DSCAM: variants seen among roughly 807,000 people sequenced by gnomAD.
The protein encoded by DSCAM is cell adhesion molecule DSCAM.
A neutral mutation model predicts 217.7 loss-of-function variants in DSCAM; 47 were observed. The observed-to-expected ratio is 0.22, with a 90% CI of 0.17 to 0.28. DSCAM has a LOEUF of 0.28. Among genes scored for constraint, DSCAM ranks in the 10% least tolerant of loss-of-function variants. The pLI is 1.00. For missense variants in DSCAM, 2,080 were observed against 2,618.3 expected (o/e 0.79, Z 4.49); for synonymous variants, 1,056 against 1,015.3 (o/e 1.04, Z -0.76).
intron 3 of DSCAM, among the ~76,000 whole-genome samples, chr21:40,480,344 A>T (rs189738152): frequency 1.3e-4 from 20 of 152,206 alleles, no homozygotes; most frequent in Admixed American, 1.3e-4. Context: ...TAGGGAAGAG[A>T]GAGTATTGCT....
At chr21:40,319,733 A>T (rs565418757) in intron 8 of DSCAM, among the ~76,000 whole-genome samples, 1 of 152,268 alleles carries the variant, frequency 6.6e-6, no homozygotes, top group African/African-American at 2.4e-5. Flanking sequence ...CCTTGCCAAC[A>T]CTTGTTATCT....
chr21:40,228,851 T>C lies in DSCAM; in HGVS notation c.2357-39613A>G, dbSNP rs1160210305. On this transcript the variant is annotated intron_variant, in intron 11 of 32. Coordinates refer to ENST00000400454, the MANE Select transcript of DSCAM (RefSeq NM_001389.5). ...TTGCTACTGTGGCATTGTTCCTTGC[T>C]TCCAGGTTCTCTTAGCTGACAGAAA... is the stretch of plus-strand genomic sequence containing the variant. Among the ~76,000 whole-genome samples the C allele has an allele frequency of 3.3e-5, 5 of 152,258 alleles. No homozygotes were observed. The East Asian group carries it at 7.7e-4, about 24-fold the overall frequency.
intron 3 of DSCAM, among the ~76,000 whole-genome samples, chr21:40,580,325 G>C (rs538728007): frequency 6.6e-6 from 1 of 152,082 alleles, no homozygotes; most frequent in African/African-American, 2.4e-5. Context: ...CTGAGGTCAT[G>C]AGTTGAAGAC....
chr21:40,046,703 CTTT>C (rs2088846882), intron 30 of DSCAM, among the ~76,000 whole-genome samples: 1 of 151,652 alleles, frequency 6.6e-6, no homozygotes, highest in Admixed American at 6.6e-5. Context: ...TTTTATTCTT[CTTT>C]AAGTTTCTTG....
chr21:40,385,655 G>C (rs1463676647), intron 3 of DSCAM, among the ~76,000 whole-genome samples: 1 of 152,194 alleles, frequency 6.6e-6, no homozygotes, highest in Non-Finnish European at 1.5e-5. Context: ...CATGCTGTAG[G>C]CTGTTAATGT....
intron 11 of DSCAM, among the ~76,000 whole-genome samples, chr21:40,224,872 T>C (rs993099410): frequency 6.6e-5 from 10 of 152,224 alleles, no homozygotes; most frequent in Non-Finnish European, 1.5e-4. Flanking sequence ...TCAAAAAAGA[T>C]AACAAGTCCA....
chr21:40,720,533 C>T (rs1445500888), intron 1 of DSCAM, among the ~76,000 whole-genome samples: 1 of 152,116 alleles, frequency 6.6e-6, no homozygotes, highest in African/African-American at 2.4e-5. Flanking sequence ...TCTATCTACT[C>T]CCAAGCTGTG....
intron 1 of DSCAM, among the ~76,000 whole-genome samples, chr21:40,777,827 T>G (rs2091502191): frequency 6.6e-6 from 1 of 152,118 alleles, no homozygotes; most frequent in Non-Finnish European, 1.5e-5. Context: ...AAAAGAAATT[T>G]GTGTCCAAAC....
chr21:40,426,175 C>T (rs1434696161), intron 3 of DSCAM, among the ~76,000 whole-genome samples: 1 of 152,216 alleles, frequency 6.6e-6, no homozygotes, highest in African/African-American at 2.4e-5. Flanking sequence ...TTGTCAGGGG[C>T]TTGTGCCCTG....
chr21:40,733,434 T>C (rs1024878124), intron 1 of DSCAM, among the ~76,000 whole-genome samples: 1 of 152,210 alleles, frequency 6.6e-6, no homozygotes, highest in Non-Finnish European at 1.5e-5. Flanking sequence ...TGTTTGGAGA[T>C]ACTGTTGATT....
In DSCAM at chr21:40,805,717, CTTTTTT is replaced by C. The variant is rs34008527; in HGVS notation, c.43+40896_43+40901del. Among the ~76,000 whole-genome samples, 10 of 149,486 alleles carry C rather than the reference CTTTTTT, an allele frequency of 6.7e-5. No individual in the cohort carries two copies. In the South Asian group the frequency reaches 1.5e-3, roughly 22 times the overall value. On this transcript the variant is annotated intron_variant, in intron 1 of 32. Transcript: ENST00000400454. ...CACAATGTTTTCTTTCTTTTCTTTTCTTTTTTTTTTTAATGGAGTCTTGCTCTGTCA... is the reference window on the plus strand; with the variant it reads ...CACAATGTTTTCTTTCTTTTCTTTTCTTTTTAATGGAGTCTTGCTCTGTCA...
intron 32 of DSCAM, among the ~76,000 whole-genome samples, chr21:40,041,286 T>C (rs1318742406): frequency 6.6e-6 from 1 of 152,208 alleles, no homozygotes. Context: ...AAGGAAAGTC[T>C]ACAGGCAACT....
intron 11 of DSCAM, among the ~76,000 whole-genome samples, chr21:40,231,955 C>T (rs1008312379): frequency 6.6e-6 from 1 of 152,202 alleles, no homozygotes; most frequent in Admixed American, 6.5e-5. Context: ...AGAAACTGGT[C>T]TGGACACCAC....
chr21:40,601,377 T>C (rs1285630734), intron 3 of DSCAM, among the ~76,000 whole-genome samples: 1 of 152,222 alleles, frequency 6.6e-6, no homozygotes, highest in African/African-American at 2.4e-5. Context: ...CCTGCAACCC[T>C]CTATGACTAC....
intron 1 of DSCAM, among the ~76,000 whole-genome samples, chr21:40,762,070 C>T (rs1051603029): frequency 2.0e-5 from 3 of 152,068 alleles, no homozygotes; most frequent in African/African-American, 4.8e-5. Context: ...CAAGAGCAAA[C>T]GAATTCAAAA....
intron 32 of DSCAM, among the ~76,000 whole-genome samples, chr21:40,017,228 A>C (rs888736248): frequency 6.6e-6 from 1 of 152,120 alleles, no homozygotes; most frequent in African/African-American, 2.4e-5. Flanking sequence ...CGTCTTGAAA[A>C]TTTTTTTCCG....
At chr21:40,845,961 A>G (rs2092141674) in intron 1 of DSCAM, among the ~76,000 whole-genome samples, 1 of 151,940 alleles carries the variant, frequency 6.6e-6, no homozygotes, top group South Asian at 2.1e-4. Flanking sequence ...TATGCTATTT[A>G]CAATATTCAC....
At chr21:40,514,355 T>G (rs765135171) in intron 3 of DSCAM, among the ~76,000 whole-genome samples, 6 of 152,226 alleles carry the variant, frequency 3.9e-5, no homozygotes, top group Non-Finnish European at 7.3e-5. Flanking sequence ...TCTTATTAAT[T>G]GGACTACATC....
intron 3 of DSCAM, among the ~76,000 whole-genome samples, chr21:40,399,986 T>G (rs995204886): frequency 6.6e-6 from 1 of 152,214 alleles, no homozygotes; most frequent in Admixed American, 6.5e-5. Flanking sequence ...GAATGGATTC[T>G]TCAACAGGAT....
Sources: gnomAD v4.1 joint callset for allele counts (sites outside exome capture counted in the v4.1 genomes callset) on GRCh38, gnomAD v4.1.1 for gene constraint, MANE v1.5 for transcripts, NCBI Gene and HGNC (gene_info 2026-07-23, HGNC 2026-07-21) for gene names.